BEGAIN: variants seen among roughly 807,000 people sequenced by gnomAD.
BEGAIN encodes brain enriched guanylate kinase associated, also known as brain-enriched guanylate kinase-associated protein.
Under a neutral mutation model 35.8 loss-of-function variants are expected in BEGAIN, and 19 were observed. The observed-to-expected ratio is 0.53, with a 90% CI of 0.37 to 0.78. The LOEUF is 0.78. Ranked by LOEUF, BEGAIN falls within the 30% of genes least tolerant of loss-of-function variation. BEGAIN has a pLI of 0.00. For missense variants in BEGAIN, 795 were observed against 853.6 expected, an observed-to-expected ratio of 0.93 and a Z score of 0.85; for synonymous variants, 462 against 388.6, an observed-to-expected ratio of 1.19 and a Z score of -2.22.
chr14:100,539,894 G>A (rs2031313958), intron 6 of BEGAIN, among the ~76,000 whole-genome samples: 1 of 152,148 alleles, frequency 6.6e-6, no homozygotes, highest in South Asian at 2.1e-4. Context: ...AGTGTCTCAG[G>A]CATGGCCCAG....
In BEGAIN at chr14:100,538,431, T is replaced by G; in HGVS notation, c.1377A>C (p.Ser459=). Residue 459 remains serine (S), a synonymous_variant, in exon 7 of 7, where the codon TCA becomes TCC. Transcript: ENST00000554140. ...SYPVSAAGRA[S]PCSFSERYYG... is the part of the protein sequence containing the mutation. ...AGTAGCGTTCAGAGAAGCTGCAGGG[T>G]GAGGCGCGGCCGGCAGCGCTCACGG... 6.3e-7 allele frequency: 1 copy of G among 1,585,722 alleles called. No homozygotes were observed. Among genetic ancestry groups the G allele is most frequent in the Non-Finnish European group, 8.6e-7 (1 of 1,168,780 alleles).
intron 2 of BEGAIN, among the ~76,000 whole-genome samples, chr14:100,554,105 T>C: frequency 6.6e-6 from 1 of 152,176 alleles, no homozygotes; most frequent in South Asian, 2.1e-4. Context: ...GGGAGGACGG[T>C]CACATGAGCT....
chr14:100,567,083 C>T lies in BEGAIN; in HGVS notation c.71+828G>A, dbSNP rs8006543. On this transcript the variant is annotated intron_variant, in intron 2 of 6. Transcript: ENST00000554140. This position sits in a 1 kb window ranked among gnomAD's most constrained non-coding sequence, Gnocchi z 5.1. ...GGGAGGGAGTGGCGAGGACGGAGAC[C>T]CTGTGGGCCAGGGGAGACAGTGCTG... Among the ~76,000 whole-genome samples, 82,641 of 152,016 alleles carry T rather than the reference C, an allele frequency of 0.54. 24,787 individuals carry two copies. The highest frequency in any genetic ancestry group is 0.81 in the African/African-American group (33,488 of 41,482).
intron 1 of BEGAIN, chr14:100,577,591 A>G (rs928075688): frequency 2.5e-6 from 1 of 398,916 alleles, no homozygotes; most frequent in African/African-American, 2.1e-5. Context: ...AGGGTCCAGA[A>G]CCCGCACAGT....
Position 100,570,496 on chromosome 14 carries a change from GCGGCCCTC to G in BEGAIN, c.43-2565_43-2558del, listed in dbSNP as rs202029780. Among the ~76,000 whole-genome samples the G allele has an allele frequency of 9.7e-3, 1,477 of 152,340 alleles. 28 individuals carry two copies. The highest frequency in any genetic ancestry group is 0.034 in the African/African-American group (1,406 of 41,568). On this transcript the variant is annotated intron_variant, in intron 1 of 6. Coordinates refer to ENST00000554140, the MANE Select transcript of BEGAIN (RefSeq NM_001385089.1). ...CCCCCTTGGAGGCTGTATCCTCCATGCGGCCCTCTGTGGGAACTCTGGGGAGTCACTGA... is the reference window on the plus strand; with the variant it reads ...CCCCCTTGGAGGCTGTATCCTCCATGTGTGGGAACTCTGGGGAGTCACTGA...
At position 100,586,719 on chromosome 14, in the gene BEGAIN, G is replaced by C. The variant is rs1431396164; in HGVS notation, c.42+530C>G. 6.6e-6 allele frequency among the ~76,000 whole-genome samples: 1 copy of C among 152,198 alleles called. No homozygotes were observed. Among genetic ancestry groups the C allele is most frequent in the African/African-American group, 2.4e-5 (1 of 41,464 alleles). On this transcript the variant is annotated intron_variant, in intron 1 of 6. Transcript: ENST00000554140. This position sits in a 1 kb window ranked among gnomAD's most constrained non-coding sequence, Gnocchi z 4.9. Reference sequence around the variant, plus strand: ...CTGCCGCGAGGTACTGAATGGGATGGTGGTGTCCGAGGTTCGTGCGCGCCC... The same window carrying C: ...CTGCCGCGAGGTACTGAATGGGATGCTGGTGTCCGAGGTTCGTGCGCGCCC...
At position 100,558,590 on chromosome 14, in the gene BEGAIN, A is replaced by G. The variant is rs1399098075; in HGVS notation, c.71+9321T>C. Among the ~76,000 whole-genome samples the G allele has an allele frequency of 6.6e-6, 1 of 152,202 alleles. No individual in the cohort carries two copies. Among genetic ancestry groups the G allele is most frequent in the Non-Finnish European group, 1.5e-5 (1 of 68,032 alleles). ...ATTGCCTCACCTTTGTCTCATGGGC[A>G]GCACAGATCTGCTGGGCGCAGCTGA... On this transcript the variant is annotated intron_variant, in intron 2 of 6. Transcript: ENST00000554140. This position sits in a 1 kb window ranked among gnomAD's most constrained non-coding sequence, Gnocchi z 4.6.
Position 100,546,366 on chromosome 14 carries a change from TCGCCC to T in BEGAIN, c.233+130_233+134del, listed in dbSNP as rs1264548951. The T allele has an allele frequency of 9.1e-5, 4 of 44,140 alleles. 1 individual carries two copies. Among genetic ancestry groups the T allele is most frequent in the African/African-American group, 2.9e-4 (2 of 6,902 alleles). 2.7% of individuals were successfully genotyped at this position (44,140 alleles called of 1,614,324 possible). ...CCCGGCCCTCGCCCCGCCCCGGCCC[TCGCCC>T]CGCCCCGGCCCTCGCCCCGCCCCGG... is the stretch of plus-strand genomic sequence containing the variant. On this transcript the variant is annotated intron_variant, in intron 3 of 6. Transcript: ENST00000554140.
At position 100,538,344 on chromosome 14, in the gene BEGAIN, G is replaced by A. The variant is rs200759183; in HGVS notation, c.1464C>T (p.Ala488=). 26 of 1,517,714 alleles carry A rather than the reference G, an allele frequency of 1.7e-5. No homozygotes were observed. The Admixed American group carries it at 2.4e-4, about 14-fold the overall frequency. 94.0% of individuals were successfully genotyped at this position (1,517,714 alleles called of 1,614,324 possible). A position where few individuals can be genotyped will look rare whatever the true frequency, so the allele number is the denominator to read the frequency against. ...CGGAGAAGCTGTCGGCCTTGTAGCT[G>A]GCGTAGAGCGGGCTGGCGCGGCCGT... is the stretch of plus-strand genomic sequence containing the variant. ...KADGRASPLY[A]SYKADSFSEG... is the part of the protein sequence containing the mutation. The change falls in exon 7 of 7, where the codon GCC becomes GCT. Residue 488 remains alanine, a synonymous_variant. Coordinates refer to ENST00000554140, the MANE Select transcript of BEGAIN (RefSeq NM_001385089.1).
intron 1 of BEGAIN, among the ~76,000 whole-genome samples, chr14:100,571,405 G>A (rs560070328): frequency 5.3e-5 from 8 of 152,224 alleles, no homozygotes; most frequent in Admixed American, 1.3e-4. Context: ...TGGGAGGGCC[G>A]CCCGGGTCAG....
intron 4 of BEGAIN, 76 bp downstream of exon 4, chr14:100,544,924 C>G: frequency 6.9e-7 from 1 of 1,455,838 alleles, no homozygotes; most frequent in Non-Finnish European, 9.5e-7. Flanking sequence ...CTGAGTGGCC[C>G]AGGGGTGTCA....
chr14:100,581,245 G>A (rs893100465), intron 1 of BEGAIN, among the ~76,000 whole-genome samples: 5 of 152,228 alleles, frequency 3.3e-5, no homozygotes, highest in African/African-American at 7.2e-5. Context: ...TCACTAGCAC[G>A]CATGGTTGCA....
intron 2 of BEGAIN, among the ~76,000 whole-genome samples, chr14:100,555,246 A>T (rs2033597917): frequency 6.6e-6 from 1 of 152,238 alleles, no homozygotes; most frequent in Non-Finnish European, 1.5e-5. Context: ...CTTCCATCAA[A>T]GGAGCAGCAA....
chr14:100,545,350 AGACTC>A, intron 3 of BEGAIN: 1 of 1,306,210 alleles, frequency 7.7e-7, no homozygotes, highest in South Asian at 1.8e-5. Context: ...TATTCACAAG[AGACTC>A]TGTCCCATCC....
rs545832998 is a variant in BEGAIN, at chr14:100,558,077, A to G, written c.71+9834T>C. Among the ~76,000 whole-genome samples, 1 of 151,058 alleles carries G rather than the reference A, an allele frequency of 6.6e-6. No homozygotes were observed. The highest frequency in any genetic ancestry group is 2.1e-4 in the South Asian group (1 of 4,750). ...AGTCTCCCTCGCTCCTGAACCATCC[A>G]TTTTTCCCTCGCTTCCTGGTCATTC... On this transcript the variant is annotated intron_variant, in intron 2 of 6. Transcript: ENST00000554140. The surrounding 1 kb of genome is among the most constrained non-coding windows in gnomAD (Gnocchi z 4.6).
rs1242184603 is a variant in BEGAIN, at chr14:100,558,854, T to C, written c.71+9057A>G. ...CATCTGCTCTCAGCCCGAGACCTCC[T>C]TGAAACCAACGTCAGACCCATCCTT... On this transcript the variant is annotated intron_variant, in intron 2 of 6. Coordinates refer to ENST00000554140, the MANE Select transcript of BEGAIN (RefSeq NM_001385089.1). This position sits in a 1 kb window ranked among gnomAD's most constrained non-coding sequence, Gnocchi z 4.6. Among the ~76,000 whole-genome samples the C allele has an allele frequency of 6.6e-6, 1 of 152,156 alleles. No homozygotes were observed. The highest frequency in any genetic ancestry group is 1.5e-5 in the Non-Finnish European group (1 of 68,022).
rs2034868401 is a variant in BEGAIN, at chr14:100,568,085, C to T, written c.43-146G>A. Reference sequence around the variant, plus strand: ...CCCGGCGCCGCGCGTCCCCAGCTTCCAGTCCCGGCCGCGGCCCCCGTGACT... The same window carrying T: ...CCCGGCGCCGCGCGTCCCCAGCTTCTAGTCCCGGCCGCGGCCCCCGTGACT... On this transcript the variant is annotated intron_variant, in intron 1 of 6. Coordinates refer to ENST00000554140, the MANE Select transcript of BEGAIN (RefSeq NM_001385089.1). The surrounding 1 kb of genome is among the most constrained non-coding windows in gnomAD (Gnocchi z 7.5). The T allele has an allele frequency of 5.7e-6, 6 of 1,056,652 alleles. No homozygotes were observed. The highest frequency in any genetic ancestry group is 6.8e-6 in the Non-Finnish European group (6 of 878,000). 65.5% of individuals were successfully genotyped at this position (1,056,652 alleles called of 1,614,324 possible).
chr14:100,537,602 T>G lies in BEGAIN; in HGVS notation c.*367A>C. The stretch of plus-strand genomic sequence containing the variant: ...CCCTCGCCCAAAAAATAAAGGAGCT[T>G]TGTGTTGAAAACGCCAAGGCAGCCG... On this transcript the variant is annotated 3_prime_UTR_variant, in exon 7 of 7. Coordinates refer to ENST00000554140, the MANE Select transcript of BEGAIN (RefSeq NM_001385089.1). The G allele has an allele frequency of 5.5e-5, 11 of 198,858 alleles. No homozygotes were observed. The highest frequency in any genetic ancestry group is 2.5e-4 in the East Asian group (2 of 8,106). 12.3% of individuals were successfully genotyped at this position (198,858 alleles called of 1,614,324 possible).
At chr14:100,554,911 C>G (rs2033561519) in intron 2 of BEGAIN, among the ~76,000 whole-genome samples, 1 of 151,586 alleles carries the variant, frequency 6.6e-6, no homozygotes, top group Non-Finnish European at 1.5e-5. Context: ...GCACGCTGGC[C>G]TTCGGGCTGT....
Sources: gnomAD v4.1 joint callset for allele counts (sites outside exome capture counted in the v4.1 genomes callset) on GRCh38, gnomAD v4.1.1 for gene constraint, Gnocchi (gnomAD v3.1) non-coding constraint, MANE v1.5 for transcripts, NCBI Gene and HGNC (gene_info 2026-07-23, HGNC 2026-07-21) for gene names.